Variants in GRIN3A observed in about 807,000 individuals in gnomAD.
The protein encoded by GRIN3A is glutamate receptor ionotropic, NMDA 3A.
In GRIN3A, 47 loss-of-function variants were observed where a neutral mutation model predicts 92.4. The ratio of observed to expected loss-of-function variants is 0.51; its 90% CI spans 0.40 to 0.65. GRIN3A has a LOEUF of 0.65. Ranked by LOEUF, GRIN3A falls within the 30% of genes least tolerant of loss-of-function variation. The pLI, the probability that GRIN3A is intolerant of heterozygous loss-of-function variation, is 0.00. For synonymous variants in GRIN3A, 527 were observed against 540.6 expected (o/e 0.97, Z 0.35); for missense variants, 1,324 against 1,393.1 (o/e 0.95, Z 0.79).
chr9:101,661,222 A>T (rs1398610667), intron 3 of GRIN3A, among the ~76,000 whole-genome samples: 1 of 151,878 alleles, frequency 6.6e-6, no homozygotes, highest in Non-Finnish European at 1.5e-5. Flanking sequence ...TGATATTGTC[A>T]CCACTATTGT....
At chr9:101,712,463 G>A (rs573105506) in intron 1 of GRIN3A, among the ~76,000 whole-genome samples, 2 of 152,288 alleles carry the variant, frequency 1.3e-5, no homozygotes, top group East Asian at 3.9e-4. Context: ...AAGAACAAAT[G>A]AGGTAGACAA....
At chr9:101,690,798 A>C (rs1419443742) in intron 1 of GRIN3A, among the ~76,000 whole-genome samples, 1 of 152,188 alleles carries the variant, frequency 6.6e-6, no homozygotes, top group Non-Finnish European at 1.5e-5. Flanking sequence ...TGGAGTATTA[A>C]ATTACTGTGT....
intron 3 of GRIN3A, among the ~76,000 whole-genome samples, chr9:101,633,022 C>G (rs1828734710): frequency 6.6e-6 from 1 of 151,928 alleles, no homozygotes; most frequent in Non-Finnish European, 1.5e-5. Flanking sequence ...GTGAATTGTT[C>G]AGTATTAATG....
intron 3 of GRIN3A, among the ~76,000 whole-genome samples, chr9:101,640,130 C>G (rs925942491): frequency 6.6e-6 from 1 of 152,186 alleles, no homozygotes; most frequent in Non-Finnish European, 1.5e-5. Context: ...CTTCAGTATA[C>G]ATATACCATA....
chr9:101,706,089 T>A (rs1829813956), intron 1 of GRIN3A, among the ~76,000 whole-genome samples: 1 of 152,178 alleles, frequency 6.6e-6, no homozygotes, highest in Non-Finnish European at 1.5e-5. Context: ...AGCGACCTAG[T>A]CTGGGGAATC....
chr9:101,730,467 A>C (rs1462726299), intron 1 of GRIN3A, among the ~76,000 whole-genome samples: 2 of 152,152 alleles, frequency 1.3e-5, no homozygotes, highest in Non-Finnish European at 2.9e-5. Flanking sequence ...ATAAACTTAT[A>C]AGATAATCAC....
At chr9:101,702,534 T>C (rs1829768981) in intron 1 of GRIN3A, among the ~76,000 whole-genome samples, 1 of 152,164 alleles carries the variant, frequency 6.6e-6, no homozygotes, top group African/African-American at 2.4e-5. Flanking sequence ...TGTTTTCTGA[T>C]CTCAGCAGTT....
chr9:101,618,204 A>G (rs536428623), intron 5 of GRIN3A, among the ~76,000 whole-genome samples: 1 of 148,702 alleles, frequency 6.7e-6, no homozygotes, highest in Non-Finnish European at 1.5e-5. Context: ...TAATTAAACT[A>G]AAGAGCTTCT....
Position 101,573,308 on chromosome 9 carries a change from G to A in GRIN3A, c.3214C>T (p.Arg1072Trp), listed in dbSNP as rs750171888. The A allele has an allele frequency of 5.0e-6, 8 of 1,613,914 alleles. No homozygotes were observed. In the Admixed American group the frequency reaches 5.0e-5, roughly 10 times the overall value. The stretch of plus-strand genomic sequence containing the variant: ...GAGAGTTCCTGCATCACTGAGTTCC[G>A]AGATACATTTAGGGAGTCTGCTTTC... Reference protein sequence around the residue: ...NGKADSLNVSRNSVMQELSEL... With the variant: ...NGKADSLNVSWNSVMQELSEL... Residue 1072 changes from arginine to tryptophan, a missense_variant, in exon 9 of 9, where the codon CGG becomes TGG. Transcript: ENST00000361820.
chr9:101,620,991 G>A (rs1165538649), intron 5 of GRIN3A, among the ~76,000 whole-genome samples: 3 of 151,980 alleles, frequency 2.0e-5, no homozygotes, highest in African/African-American at 7.2e-5. Context: ...ATTAAAATGT[G>A]AGCTTTATTA....
intron 3 of GRIN3A, among the ~76,000 whole-genome samples, chr9:101,641,036 C>T (rs1344591232): frequency 2.0e-5 from 3 of 152,134 alleles, no homozygotes; most frequent in Non-Finnish European, 2.9e-5. Flanking sequence ...TATGAACTGT[C>T]TCTCTGGTGA....
chr9:101,638,178 TTG>T, intron 3 of GRIN3A, among the ~76,000 whole-genome samples: 1 of 152,254 alleles, frequency 6.6e-6, no homozygotes, highest in African/African-American at 2.4e-5. Context: ...GTCTCATTTA[TTG>T]TAATGAAAGT....
At chr9:101,628,213 T>A (rs1208294964) in intron 4 of GRIN3A, 43 bp downstream of exon 4, 56 of 1,607,030 alleles carry the variant, frequency 3.5e-5, no homozygotes, top group Non-Finnish European at 4.6e-5. Flanking sequence ...ATTACTTCTC[T>A]TCAGTGAGAA....
intron 1 of GRIN3A, 58 bp from the exon 2 acceptor site, chr9:101,687,258 T>C (rs1317606749): frequency 1.3e-6 from 2 of 1,571,248 alleles, no homozygotes; most frequent in East Asian, 2.2e-5. Context: ...GACTTTAACA[T>C]AGGGTACTTT....
intron 6 of GRIN3A, chr9:101,594,907 G>A: frequency 6.3e-7 from 1 of 1,599,400 alleles, no homozygotes; most frequent in Non-Finnish European, 8.5e-7. Flanking sequence ...CCGGGTAACT[G>A]GCCTCGTTTC....
At chr9:101,604,786 C>G (rs1435198244) in intron 6 of GRIN3A, among the ~76,000 whole-genome samples, 1 of 152,164 alleles carries the variant, frequency 6.6e-6, no homozygotes, top group African/African-American at 2.4e-5. Flanking sequence ...TAAAGATAAA[C>G]TGGTCAGAAA....
At chr9:101,609,884 A>C (rs945394213) in intron 6 of GRIN3A, among the ~76,000 whole-genome samples, 1 of 152,184 alleles carries the variant, frequency 6.6e-6, no homozygotes, top group Non-Finnish European at 1.5e-5. Context: ...TTTTTTGTAA[A>C]GATAGAGTCA....
At chr9:101,599,604 G>A (rs1429634234) in intron 6 of GRIN3A, among the ~76,000 whole-genome samples, 1 of 152,174 alleles carries the variant, frequency 6.6e-6, no homozygotes, top group African/African-American at 2.4e-5. Context: ...TTGACTAACT[G>A]TTTTGGAAGA....
intron 1 of GRIN3A, among the ~76,000 whole-genome samples, chr9:101,702,989 C>T (rs775587285): frequency 6.6e-6 from 1 of 152,166 alleles, no homozygotes; most frequent in Non-Finnish European, 1.5e-5. Flanking sequence ...CTTGCTTGTA[C>T]AGTAAGCCTC....
Sources: allele counts gnomAD v4.1 joint callset (sites outside exome capture counted in the v4.1 genomes callset), GRCh38; gene constraint gnomAD v4.1.1; transcripts MANE v1.5; gene names NCBI Gene and HGNC (gene_info 2026-07-23, HGNC 2026-07-21).